Variants in UNC13C observed in about 807,000 individuals in gnomAD.
UNC13C encodes the protein unc-13 homolog C, also known as protein unc-13 homolog C.
A neutral mutation model predicts 245.4 loss-of-function variants in UNC13C; 174 were observed. The observed-to-expected ratio is 0.71, with a 90% CI of 0.63 to 0.80. The LOEUF (loss-of-function observed/expected upper bound fraction) is 0.80. UNC13C is among the 30% of genes least tolerant of loss of function. UNC13C has a pLI of 0.00. For missense variants in UNC13C, 2,829 were observed against 2,602.9 expected, an observed-to-expected ratio of 1.09 and a Z score of -1.89; for synonymous variants, 992 against 895.1, an observed-to-expected ratio of 1.11 and a Z score of -1.93.
intron 28 of UNC13C, among the ~76,000 whole-genome samples, chr15:54,552,727 TATA>T (rs1896863728): frequency 1.3e-5 from 1 of 77,574 alleles, no homozygotes; most frequent in African/African-American, 5.3e-5. Flanking sequence ...TTGTACAATA[TATA>T]ATATAATATA....
chr15:54,205,334 A>G (rs1473793404), intron 4 of UNC13C, among the ~76,000 whole-genome samples: 1 of 151,854 alleles, frequency 6.6e-6, no homozygotes, highest in African/African-American at 2.4e-5. Context: ...CCAATGTAAG[A>G]TTTTTCTTTC....
the UNC13C span, among the ~76,000 whole-genome samples, chr15:53,969,805 A>G: frequency 6.6e-6 from 1 of 152,086 alleles, no homozygotes; most frequent in African/African-American, 2.4e-5. Flanking sequence ...GTTGTGGGAC[A>G]GATCTCTAGA....
At chr15:53,977,660 C>CT (rs1893753883), upstream of UNC13C, among the ~76,000 whole-genome samples, 1 of 152,104 alleles carries the variant, frequency 6.6e-6, no homozygotes, top group Non-Finnish European at 1.5e-5. Context: ...AGATTCAGTA[C>CT]TTTTTTATTT....
intron 2 of UNC13C, among the ~76,000 whole-genome samples, chr15:54,034,367 T>C (rs955295733): frequency 6.6e-6 from 1 of 152,222 alleles, no homozygotes; most frequent in Non-Finnish European, 1.5e-5. Context: ...AGTCTGTCTC[T>C]CTCTGGGGCC....
the UNC13C span, among the ~76,000 whole-genome samples, chr15:53,860,171 C>A: frequency 1.3e-5 from 2 of 152,048 alleles, no homozygotes; most frequent in Admixed American, 6.6e-5. Context: ...ATCTCTTTGT[C>A]TTAAGCTTTC....
intron 19 of UNC13C, among the ~76,000 whole-genome samples, chr15:54,464,359 TTC>T (rs1313397570): frequency 6.6e-6 from 1 of 152,144 alleles, no homozygotes; most frequent in Non-Finnish European, 1.5e-5. Context: ...AGAGAAAACT[TTC>T]TCTGAGCTAT....
chr15:54,517,784 A>G (rs1347362336), intron 24 of UNC13C, among the ~76,000 whole-genome samples: 1 of 152,162 alleles, frequency 6.6e-6, no homozygotes, highest in Admixed American at 6.5e-5. Flanking sequence ...TTTTTAGGGG[A>G]ATCAGAGCAA....
At chr15:54,568,896 C>T (rs74014226) in intron 30 of UNC13C, among the ~76,000 whole-genome samples, 4,891 of 152,150 alleles carry the variant, frequency 0.032, 236 homozygotes, top group African/African-American at 0.11. Context: ...GCCTATAACA[C>T]TCTGTGCTTT....
the UNC13C span, among the ~76,000 whole-genome samples, chr15:53,954,200 G>T: frequency 1.3e-5 from 2 of 152,188 alleles, no homozygotes; most frequent in African/African-American, 4.8e-5. Flanking sequence ...GTTATCATCA[G>T]CTTATTGTTT....
At chr15:54,072,733 A>G (rs938700893) in intron 2 of UNC13C, among the ~76,000 whole-genome samples, 2 of 152,172 alleles carry the variant, frequency 1.3e-5, no homozygotes, top group African/African-American at 4.8e-5. Flanking sequence ...TATGTAATAC[A>G]CACTTTTGAG....
intron 4 of UNC13C, among the ~76,000 whole-genome samples, chr15:54,204,881 A>G (rs767854171): frequency 2.0e-5 from 3 of 152,160 alleles, no homozygotes; most frequent in Admixed American, 1.3e-4. Flanking sequence ...AGTGATTTTT[A>G]TTATTGCCAT....
At chr15:54,023,755 G>A (rs1209329996) in intron 2 of UNC13C, among the ~76,000 whole-genome samples, 1 of 152,148 alleles carries the variant, frequency 6.6e-6, no homozygotes, top group Non-Finnish European at 1.5e-5. Context: ...AAGGCATGGT[G>A]CATTTTTTGA....
intron 2 of UNC13C, among the ~76,000 whole-genome samples, chr15:54,141,781 T>C (rs949173210): frequency 5.3e-5 from 8 of 152,106 alleles, no homozygotes; most frequent in African/African-American, 1.9e-4. Context: ...CTTTTATTAC[T>C]TTACAATACA....
intron 30 of UNC13C, among the ~76,000 whole-genome samples, chr15:54,605,371 T>C (rs1298582037): frequency 1.3e-5 from 2 of 152,176 alleles, no homozygotes; most frequent in South Asian, 2.1e-4. Context: ...GTGCCCCTTA[T>C]ATTTCCTATC....
the UNC13C span, among the ~76,000 whole-genome samples, chr15:53,845,969 C>G: frequency 1.3e-5 from 2 of 152,106 alleles, no homozygotes; most frequent in African/African-American, 2.4e-5. Flanking sequence ...AGAAAACATA[C>G]TCCAAGTACC....
intron 4 of UNC13C, among the ~76,000 whole-genome samples, chr15:54,217,016 A>G (rs898425791): frequency 6.6e-6 from 1 of 152,028 alleles, no homozygotes; most frequent in African/African-American, 2.4e-5. Context: ...TCCAATAAAG[A>G]AAATCATTCT....
At chr15:54,450,693 G>A (rs1379806997) in intron 19 of UNC13C, among the ~76,000 whole-genome samples, 1 of 152,182 alleles carries the variant, frequency 6.6e-6, no homozygotes, top group Non-Finnish European at 1.5e-5. Flanking sequence ...GCTAGTAAAG[G>A]GAATTCCCTG....
At chr15:54,408,077 T>C (rs957745980) in intron 18 of UNC13C, among the ~76,000 whole-genome samples, 1 of 151,214 alleles carries the variant, frequency 6.6e-6, no homozygotes, top group African/African-American at 2.4e-5. Context: ...GGCGGGCGCC[T>C]GTAGTCCCAG....
chr15:54,250,290 C>G lies in UNC13C; in HGVS notation c.3294C>G (p.His1098Gln). 2 of 1,613,952 alleles carry G rather than the reference C, an allele frequency of 1.2e-6. No individual in the cohort carries two copies. The highest frequency in any genetic ancestry group is 1.7e-6 in the Non-Finnish European group (2 of 1,179,884). Residue 1098 changes from histidine (H) to glutamine (Q), a missense_variant, in exon 8 of 33, where the codon CAC becomes CAG. Coordinates refer to ENST00000260323, the MANE Select transcript of UNC13C (RefSeq NM_001080534.3). ...LIYPMSSTIP[H>Q]NFEVWTATTP... The stretch of plus-strand genomic sequence containing the variant: ...ACCCTATGTCTTCTACCATCCCACA[C>G]AATTTTGAGGTCTGGACGGCTACCA...
Sources: allele counts gnomAD v4.1 joint callset (sites outside exome capture counted in the v4.1 genomes callset), GRCh38; gene constraint gnomAD v4.1.1; transcripts MANE v1.5; gene names NCBI Gene and HGNC (gene_info 2026-07-23, HGNC 2026-07-21).